The following GALNT10 variants were observed in gnomAD, a reference collection of about 807,000 sequenced individuals.
GALNT10 encodes polypeptide N-acetylgalactosaminyltransferase 10.
Under a neutral mutation model 75.0 loss-of-function variants are expected in GALNT10, and 41 were observed. The ratio of observed to expected loss-of-function variants is 0.55; its 90% CI spans 0.43 to 0.71. The LOEUF (loss-of-function observed/expected upper bound fraction) is 0.71, where lower values mean the gene tolerates loss of function less well. Ranked by LOEUF, GALNT10 falls within the 30% of genes least tolerant of loss-of-function variation. The pLI is 0.00. For synonymous variants in GALNT10, 302 were observed against 313.0 expected (o/e 0.96, Z 0.37); for missense variants, 727 against 818.5 (o/e 0.89, Z 1.36).
chr5:154,317,232 G>T (rs6897371), intron 3 of GALNT10, among the ~76,000 whole-genome samples: 109,356 of 152,142 alleles, frequency 0.72, 39,891 homozygotes, highest in Admixed American at 0.83. Flanking sequence ...TTTGATCTGT[G>T]GATGGTGTCC....
chr5:154,269,384 C>T (rs1753827554), intron 1 of GALNT10, among the ~76,000 whole-genome samples: 1 of 152,132 alleles, frequency 6.6e-6, no homozygotes, highest in Non-Finnish European at 1.5e-5. Flanking sequence ...TAAAAATACA[C>T]ACAAAAAAGT....
chr5:154,254,233 A>G (rs1181973772), intron 1 of GALNT10, among the ~76,000 whole-genome samples: 1 of 152,044 alleles, frequency 6.6e-6, no homozygotes, highest in African/African-American at 2.4e-5. Flanking sequence ...TTGGTTGTAT[A>G]TGTTGTTTTA....
intron 4 of GALNT10, among the ~76,000 whole-genome samples, chr5:154,367,038 A>C (rs1211793227): frequency 6.6e-6 from 1 of 152,178 alleles, no homozygotes; most frequent in African/African-American, 2.4e-5. Context: ...GAAGGTCATA[A>C]AATCAGTTTA....
In GALNT10 at chr5:154,415,864, C is replaced by T; in HGVS notation, c.1585C>T (p.His529Tyr). 1.9e-6 allele frequency: 3 copies of T among 1,614,172 alleles called. No individual in the cohort carries two copies. The highest frequency in any genetic ancestry group is 2.7e-5 in the African/African-American group (2 of 75,038). Residue 529 changes from histidine (H) to tyrosine (Y), a missense_variant, in exon 11 of 12, where the codon CAC (histidine) becomes TAC (tyrosine). Transcript: ENST00000297107. ...GAAGTTCTGCTTTGATGCCATTTCCCACACCAGCCCTGTCACGCTGTACGA... is the reference window on the plus strand; with the variant it reads ...GAAGTTCTGCTTTGATGCCATTTCCTACACCAGCCCTGTCACGCTGTACGA... The part of the protein sequence containing the change: ...TKKFCFDAIS[H>Y]TSPVTLYDCH...
chr5:154,203,586 C>T (rs917427418), intron 1 of GALNT10, among the ~76,000 whole-genome samples: 6 of 152,230 alleles, frequency 3.9e-5, no homozygotes, highest in Non-Finnish European at 7.3e-5. Context: ...CCCAGAAAGC[C>T]TTCCCTGATC....
intron 2 of GALNT10, among the ~76,000 whole-genome samples, chr5:154,297,257 A>C (rs1441775754): frequency 6.6e-6 from 1 of 152,146 alleles, no homozygotes; most frequent in Non-Finnish European, 1.5e-5. Flanking sequence ...CATGACTCAA[A>C]GCCACACTTT....
intron 3 of GALNT10, among the ~76,000 whole-genome samples, chr5:154,327,406 GT>G (rs1216911680): frequency 1.3e-5 from 2 of 152,116 alleles, no homozygotes; most frequent in Non-Finnish European, 2.9e-5. Flanking sequence ...AAATGTGTGA[GT>G]TAAGCCTGGG....
intron 1 of GALNT10, among the ~76,000 whole-genome samples, chr5:154,279,396 C>T (rs995241838): frequency 6.6e-6 from 1 of 151,468 alleles, no homozygotes; most frequent in African/African-American, 2.4e-5. Context: ...CTCCGCCTCC[C>T]AGGTTCAAGT....
chr5:154,361,498 A>G (rs777997335), intron 4 of GALNT10, among the ~76,000 whole-genome samples: 2 of 152,158 alleles, frequency 1.3e-5, no homozygotes, highest in Admixed American at 1.3e-4. Flanking sequence ...TCATGTTCTC[A>G]TTGCAGAAAT....
At chr5:154,359,536 TAA>T (rs5872375) in intron 4 of GALNT10, among the ~76,000 whole-genome samples, 11 of 136,862 alleles carry the variant, frequency 8.0e-5, no homozygotes, top group Non-Finnish European at 9.3e-5. Flanking sequence ...TTTCTTTCTT[TAA>T]AAAAAAAAAA....
At chr5:154,200,697 T>C (rs1198076369) in intron 1 of GALNT10, among the ~76,000 whole-genome samples, 1 of 152,242 alleles carries the variant, frequency 6.6e-6, no homozygotes, top group East Asian at 1.9e-4. Flanking sequence ...GGTTATTTTA[T>C]TAATAATAAA....
At chr5:154,346,347 T>G (rs1755124410) in intron 4 of GALNT10, among the ~76,000 whole-genome samples, 1 of 152,198 alleles carries the variant, frequency 6.6e-6, no homozygotes, top group East Asian at 1.9e-4. Flanking sequence ...CATATGGTAG[T>G]TCTGTTTTTA....
At chr5:154,282,213 C>G (rs1754048781) in intron 1 of GALNT10, among the ~76,000 whole-genome samples, 1 of 152,202 alleles carries the variant, frequency 6.6e-6, no homozygotes, top group South Asian at 2.1e-4. Context: ...TTAACCCACT[C>G]TCTCCATAAC....
intron 4 of GALNT10, among the ~76,000 whole-genome samples, chr5:154,330,593 C>T (rs1356402193): frequency 6.6e-6 from 1 of 152,182 alleles, no homozygotes; most frequent in Admixed American, 6.5e-5. Context: ...TGTGGAATAA[C>T]TCAGTCTCGG....
chr5:154,234,662 C>G (rs1411630936), intron 1 of GALNT10, among the ~76,000 whole-genome samples: 2 of 152,232 alleles, frequency 1.3e-5, no homozygotes, highest in East Asian at 3.8e-4. Flanking sequence ...GTGTCAGGAT[C>G]AGGTCCTGTG....
In GALNT10 at chr5:154,190,784, C is replaced by A; in HGVS notation, c.-83C>A. 2.7e-6 allele frequency: 1 copy of A among 376,964 alleles called. No individual in the cohort carries two copies. Among genetic ancestry groups the A allele is most frequent in the Non-Finnish European group, 3.4e-6 (1 of 291,278 alleles). The allele number at this position is 376,964 out of a possible 1,614,324, so 23.4% of individuals were successfully genotyped here. A position where few individuals can be genotyped will look rare whatever the true frequency, so the allele number is the denominator to read the frequency against. On this transcript the variant is annotated 5_prime_UTR_variant, in exon 1 of 12. Coordinates refer to ENST00000297107, the MANE Select transcript of GALNT10 (RefSeq NM_198321.4). ...CCGCTTCTGCTGGCTGAGCTGCTGC[C>A]GCCGCCGGGCGGACGGGCGGACGCG...
chr5:154,281,590 C>T (rs1408465482), intron 1 of GALNT10, among the ~76,000 whole-genome samples: 4 of 152,228 alleles, frequency 2.6e-5, no homozygotes, highest in African/African-American at 9.6e-5. Context: ...AGCCAGGAAA[C>T]TGAAGCCTGT....
At chr5:154,304,839 A>G (rs1754407984) in intron 3 of GALNT10, among the ~76,000 whole-genome samples, 1 of 152,236 alleles carries the variant, frequency 6.6e-6, no homozygotes, top group Non-Finnish European at 1.5e-5. Context: ...AGTATACAAT[A>G]TCATCTGAAG....
chr5:154,312,260 G>A (rs1279127715), intron 3 of GALNT10, among the ~76,000 whole-genome samples: 2 of 152,168 alleles, frequency 1.3e-5, no homozygotes, highest in African/African-American at 2.4e-5. Context: ...CTTAGCTTAG[G>A]AGCACTGTTA....
Sources: allele counts gnomAD v4.1 joint callset (sites outside exome capture counted in the v4.1 genomes callset), GRCh38; gene constraint gnomAD v4.1.1; transcripts MANE v1.5; gene names NCBI Gene and HGNC (gene_info 2026-07-23, HGNC 2026-07-21).